Variants in CRYM observed in about 807,000 individuals in gnomAD.
CRYM encodes ketimine reductase mu-crystallin.
A neutral mutation model predicts 32.9 loss-of-function variants in CRYM; 18 were observed. The ratio of observed to expected loss-of-function variants is 0.55; its 90% CI spans 0.38 to 0.81. The LOEUF is 0.81. Ranked by LOEUF, CRYM falls within the 30% of genes least tolerant of loss-of-function variation. The pLI is 0.00. For missense variants in CRYM, 337 were observed against 393.5 expected, an observed-to-expected ratio of 0.86 and a Z score of 1.21; for synonymous variants, 153 against 152.4, an observed-to-expected ratio of 1.00 and a Z score of -0.03.
chr16:21,269,914 C>A (rs745767024), intron 3 of CRYM, 23 bp from the exon 4 acceptor site: 2 of 1,564,036 alleles, frequency 1.3e-6, no homozygotes, highest in African/African-American at 2.7e-5. Context: ...AATGAAGTGG[C>A]AAAGGTCAAG....
chr16:21,262,982 C>G (rs138314349), intron 5 of CRYM, among the ~76,000 whole-genome samples: 2 of 152,304 alleles, frequency 1.3e-5, no homozygotes, highest in Non-Finnish European at 2.9e-5. Context: ...ATTCACACCT[C>G]ACTCTCCTCT....
intron 3 of CRYM, among the ~76,000 whole-genome samples, chr16:21,274,374 G>GC (rs1441640111): frequency 6.6e-6 from 1 of 152,034 alleles, no homozygotes; most frequent in African/African-American, 2.4e-5. Flanking sequence ...TCTCAGGGAG[G>GC]CCTTTCTTGG....
chr16:21,278,079 C>A lies in CRYM; in HGVS notation c.170+3G>T. On this transcript the variant is annotated splice_donor_region_variant and intron_variant, in intron 1 of 7. Coordinates refer to ENST00000572914, the MANE Select transcript of CRYM (RefSeq NM_001376256.1). ...GCCCCTGACCCCGACCCTCCTCACT[C>A]ACCCCCTGTGCTTGGTCACCGGCAC... is the stretch of plus-strand genomic sequence containing the variant. 1.3e-6 allele frequency: 2 copies of A among 1,544,048 alleles called. No homozygotes were observed. Among genetic ancestry groups the A allele is most frequent in the Non-Finnish European group, 1.7e-6 (2 of 1,146,738 alleles).
chr16:21,282,608 CTTCT>C (rs1477543776), upstream of CRYM, among the ~76,000 whole-genome samples: 2 of 152,098 alleles, frequency 1.3e-5, no homozygotes, highest in Non-Finnish European at 2.9e-5. Context: ...GTTTATTAAT[CTTCT>C]TTAAGTCATG....
At chr16:21,289,917 ACACCAATCAGCACTCTGTAAAATTG>A (rs1235724704) in intron 1 of CRYM, among the ~76,000 whole-genome samples, 6 of 151,782 alleles carry the variant, frequency 4.0e-5, no homozygotes, top group African/African-American at 1.4e-4. Flanking sequence ...GATTGTAAAC[ACACCAATCAGCACTCTGTAAAATTG>A]CACCAATCAG....
chr16:21,267,774 T>G, intron 4 of CRYM, 37 bp from the exon 5 acceptor site: 1 of 1,612,516 alleles, frequency 6.2e-7, no homozygotes, highest in Non-Finnish European at 8.5e-7. Flanking sequence ...TTGGCGCCAT[T>G]TTTTGGCTGC....
At chr16:21,301,116 G>C (rs1449138350) in intron 1 of CRYM, 1 of 152,348 alleles carries the variant, frequency 6.6e-6, no homozygotes, top group Non-Finnish European at 1.5e-5. Flanking sequence ...GGGGTTTGCA[G>C]GACCCCGGGC....
chr16:21,295,082 G>A (rs757883150), intron 1 of CRYM, among the ~76,000 whole-genome samples: 3 of 152,152 alleles, frequency 2.0e-5, no homozygotes, highest in South Asian at 2.1e-4. Flanking sequence ...TGGACATTTG[G>A]GTTGGTTCCA....
At chr16:21,290,353 GT>G (rs1240561531) in intron 1 of CRYM, among the ~76,000 whole-genome samples, 3 of 151,984 alleles carry the variant, frequency 2.0e-5, no homozygotes, top group African/African-American at 4.8e-5. Flanking sequence ...TTTAAGAGCT[GT>G]AACACTCACT....
At chr16:21,278,044 A>G (rs1450223771) in intron 1 of CRYM, 38 bp downstream of exon 1, 3 of 1,523,328 alleles carry the variant, frequency 2.0e-6, no homozygotes, top group East Asian at 4.9e-5. Context: ...CCCGCTTTCC[A>G]GTTTCTCCTG....
intron 1 of CRYM, among the ~76,000 whole-genome samples, chr16:21,288,578 T>A (rs1318630217): frequency 1.3e-5 from 2 of 152,158 alleles, no homozygotes; most frequent in Non-Finnish European, 2.9e-5. Context: ...GGATTGTATA[T>A]TTTCCCTGGC....
chr16:21,258,927 C>T (rs2093349324), intron 7 of CRYM, 82 bp from the exon 8 acceptor site: 1 of 1,104,470 alleles, frequency 9.1e-7, no homozygotes, highest in Non-Finnish European at 1.4e-6. Context: ...TGGAAGTTTC[C>T]TGATACATGT....
chr16:21,260,603 T>A (rs1455819578), intron 7 of CRYM, among the ~76,000 whole-genome samples: 1 of 152,196 alleles, frequency 6.6e-6, no homozygotes, highest in Non-Finnish European at 1.5e-5. Flanking sequence ...CTCAGCCTGT[T>A]CCCATGTACT....
intron 3 of CRYM, among the ~76,000 whole-genome samples, chr16:21,271,079 T>C (rs2093374486): frequency 6.6e-6 from 1 of 152,224 alleles, no homozygotes; most frequent in Non-Finnish European, 1.5e-5. Context: ...ACTGGGCTTC[T>C]CAACCTCGGT....
chr16:21,278,450 A>G, upstream of CRYM: 1 of 628,788 alleles, frequency 1.6e-6, no homozygotes. Context: ...GGTGGGCGAG[A>G]TGGGTCCCTT....
intron 3 of CRYM, among the ~76,000 whole-genome samples, chr16:21,272,017 C>T (rs1462133137): frequency 2.0e-5 from 3 of 150,988 alleles, no homozygotes; most frequent in Non-Finnish European, 2.9e-5. Flanking sequence ...TGCCACCATA[C>T]TTGGCTAATT....
Position 21,266,881 on chromosome 16 carries a change from C to G in CRYM, c.673+673G>C, listed in dbSNP as rs1328876955. 7.8e-4 allele frequency among the ~76,000 whole-genome samples: 119 copies of G among 151,772 alleles called. 2 individuals carry two copies. The highest frequency in any genetic ancestry group is 7.8e-3 in the Admixed American group (119 of 15,244). On this transcript the variant is annotated intron_variant, in intron 5 of 7. Transcript: ENST00000572914. The stretch of plus-strand genomic sequence containing the variant: ...AATTAGCTGGGCATGGTGGCACATG[C>G]CTGTAGTCCCAGCTACTCGGGAGGC...
chr16:21,288,680 C>G (rs2093411326), intron 1 of CRYM, among the ~76,000 whole-genome samples: 1 of 151,936 alleles, frequency 6.6e-6, no homozygotes, highest in Non-Finnish European at 1.5e-5. Context: ...TCTTCTTTTT[C>G]CAGTTTTTAA....
Position 21,298,334 on chromosome 16 carries a change from G to A in CRYM, c.-193+4644C>T, listed in dbSNP as rs576180232. On this transcript the variant is annotated intron_variant, in intron 1 of 9. Transcript: ENST00000219599. ...TGCATCCACTTCTCCCAAGAGATACGTAAAATAATATTCAAATAAGTTATA... is the reference window on the plus strand; with the variant it reads ...TGCATCCACTTCTCCCAAGAGATACATAAAATAATATTCAAATAAGTTATA... 6.8e-4 allele frequency among the ~76,000 whole-genome samples: 103 copies of A among 152,228 alleles called. 1 individual carries two copies. The highest frequency in any genetic ancestry group is 3.4e-3 in the Middle Eastern group (1 of 294).
Sources: allele counts gnomAD v4.1 joint callset (sites outside exome capture counted in the v4.1 genomes callset), GRCh38; gene constraint gnomAD v4.1.1; transcripts MANE v1.5; gene names NCBI Gene and HGNC (gene_info 2026-07-23, HGNC 2026-07-21).